The following SUPT3H variants were observed in gnomAD, a reference collection of about 807,000 sequenced individuals.
SUPT3H encodes the protein transcription initiation protein SPT3 homolog.
Under a neutral mutation model 44.3 loss-of-function variants are expected in SUPT3H, and 44 were observed. That is an observed-to-expected ratio of 0.99 (90% confidence interval 0.78 to 1.28). SUPT3H has a LOEUF of 1.28. Ranked by LOEUF, SUPT3H falls within the 50% of genes most tolerant of loss-of-function variation. The pLI, the probability that SUPT3H is intolerant of heterozygous loss-of-function variation, is 0.00. For missense variants in SUPT3H, 380 were observed against 387.1 expected (o/e 0.98, Z 0.15); for synonymous variants, 124 against 125.6 (o/e 0.99, Z 0.09).
At chr6:45,048,854 G>C (rs1023354232) in intron 3 of SUPT3H, among the ~76,000 whole-genome samples, 10 of 152,050 alleles carry the variant, frequency 6.6e-5, no homozygotes, top group Admixed American at 3.9e-4. Flanking sequence ...CGGAAGTAGA[G>C]AGTAGAATGA....
chr6:45,159,598 AAC>A (rs1808605650), intron 2 of SUPT3H: 1 of 152,176 alleles, frequency 6.6e-6, no homozygotes, highest in South Asian at 2.1e-4. Flanking sequence ...ATAGTTTCTG[AAC>A]AGTCAGAGAT....
intron 3 of SUPT3H, among the ~76,000 whole-genome samples, chr6:45,031,889 A>G (rs980060047): frequency 1.3e-5 from 2 of 152,164 alleles, no homozygotes; most frequent in Non-Finnish European, 2.9e-5. Context: ...TTGGGTTCTT[A>G]TTTAGCAGTA....
chr6:44,878,550 T>C (rs2153433597), intron 10 of SUPT3H, among the ~76,000 whole-genome samples: 1 of 152,232 alleles, frequency 6.6e-6, no homozygotes, highest in African/African-American at 2.4e-5. Context: ...TTTCATCCAT[T>C]GGTTAGGTTG....
intron 10 of SUPT3H, among the ~76,000 whole-genome samples, chr6:44,923,173 A>G (rs1768998429): frequency 6.6e-6 from 1 of 152,118 alleles, no homozygotes; most frequent in African/African-American, 2.4e-5. Context: ...ACAAAAATAG[A>G]TTTCTTGAAG....
chr6:45,280,102 T>C (rs1181983138), intron 2 of SUPT3H, among the ~76,000 whole-genome samples: 1 of 152,176 alleles, frequency 6.6e-6, no homozygotes, highest in Non-Finnish European at 1.5e-5. Context: ...TCACCATCTC[T>C]TCTACTGCAA....
At chr6:45,044,085 A>G (rs1269185399) in intron 3 of SUPT3H, among the ~76,000 whole-genome samples, 5 of 152,174 alleles carry the variant, frequency 3.3e-5, no homozygotes, top group Non-Finnish European at 5.9e-5. Context: ...CCATTTACCT[A>G]AACATCTAAA....
Position 45,039,044 on chromosome 6 carries a change from A to G in SUPT3H, c.187-18412T>C, listed in dbSNP as rs1255279775. The stretch of plus-strand genomic sequence containing the variant: ...TTCATTTCTCAAGGACATTGATTTG[A>G]AAGAGCTATTTCACTTCCCGTTAGT... On this transcript the variant is annotated intron_variant, in intron 3 of 10. Coordinates refer to ENST00000371459, the MANE Select transcript of SUPT3H (RefSeq NM_003599.4). Among the ~76,000 whole-genome samples the G allele has an allele frequency of 2.0e-5, 3 of 152,190 alleles. No individual in the cohort carries two copies. The East Asian group carries it at 5.8e-4, about 29-fold the overall frequency.
intron 2 of SUPT3H, among the ~76,000 whole-genome samples, chr6:45,317,829 A>C (rs562372055): frequency 6.7e-4 from 102 of 152,350 alleles, no homozygotes; most frequent in Admixed American, 1.3e-3. Context: ...AAAAGCAAAA[A>C]TAGGCAAATG....
intron 2 of SUPT3H, among the ~76,000 whole-genome samples, chr6:45,180,639 C>T (rs1335155956): frequency 0.018 from 2,693 of 151,776 alleles, 35 homozygotes; most frequent in African/African-American, 0.03. Flanking sequence ...ATTTAATAAA[C>T]GGTGCTGGGA....
At chr6:45,119,704 G>A (rs1258137743) in intron 2 of SUPT3H, among the ~76,000 whole-genome samples, 3 of 152,064 alleles carry the variant, frequency 2.0e-5, no homozygotes, top group African/African-American at 7.2e-5. Flanking sequence ...AAGATGCCAG[G>A]GCAGAGAATC....
In SUPT3H at chr6:45,178,983, C is replaced by A. The variant is rs1426826990; in HGVS notation, c.102-72977G>T. Among the ~76,000 whole-genome samples, 8 of 152,050 alleles carry A rather than the reference C, an allele frequency of 5.3e-5. No individual in the cohort carries two copies. In the East Asian group the frequency reaches 7.7e-4, roughly 15 times the overall value. On this transcript the variant is annotated intron_variant, in intron 2 of 10. Transcript: ENST00000371459. ...AAGCAGGAAAGATCCAAAATTGACA[C>A]CCTAACATCACAATTAAAAGAGAGA...
Position 44,856,558 on chromosome 6 carries a change from GT to G in SUPT3H, c.913-26702del, listed in dbSNP as rs760513567. Among the ~76,000 whole-genome samples the G allele has an allele frequency of 5.0e-4, 76 of 152,106 alleles. 1 individual carries two copies. The highest frequency in any genetic ancestry group is 1.5e-5 in the Non-Finnish European group (1 of 68,028). ...TGGTTTGACATTTCATGCTGCACTG[GT>G]TTTTTCTATTTTTCCAATTCTCTAA... On this transcript the variant is annotated intron_variant, in intron 10 of 10. Coordinates refer to ENST00000371459, the MANE Select transcript of SUPT3H (RefSeq NM_003599.4).
chr6:44,909,700 C>A (rs976977350), intron 10 of SUPT3H, among the ~76,000 whole-genome samples: 1 of 152,258 alleles, frequency 6.6e-6, no homozygotes, highest in Non-Finnish European at 1.5e-5. Context: ...TGGAGAGAGG[C>A]GCATGGACTT....
intron 2 of SUPT3H, among the ~76,000 whole-genome samples, chr6:45,273,836 G>C (rs1453963187): frequency 6.6e-6 from 1 of 152,142 alleles, no homozygotes; most frequent in African/African-American, 2.4e-5. Flanking sequence ...CACTAGGAGT[G>C]AATCTGCTCG....
intron 2 of SUPT3H, among the ~76,000 whole-genome samples, chr6:45,279,491 A>G (rs1584652711): frequency 1.3e-5 from 2 of 152,200 alleles, no homozygotes; most frequent in East Asian, 3.9e-4. Flanking sequence ...TCCTGAGAGT[A>G]AGTTCTGCCA....
At chr6:45,284,647 C>G (rs147660817) in intron 2 of SUPT3H, among the ~76,000 whole-genome samples, 1 of 152,238 alleles carries the variant, frequency 6.6e-6, no homozygotes, top group South Asian at 2.1e-4. Context: ...GGATTCACAG[C>G]CAAATTCTAC....
At chr6:44,878,860 G>A (rs758467329) in intron 10 of SUPT3H, among the ~76,000 whole-genome samples, 20 of 152,090 alleles carry the variant, frequency 1.3e-4, no homozygotes, top group Non-Finnish European at 2.2e-4. Flanking sequence ...AAGCCGTGAG[G>A]GACCATGCTG....
chr6:44,995,095 C>T (rs2153501112), intron 6 of SUPT3H, among the ~76,000 whole-genome samples: 1 of 151,920 alleles, frequency 6.6e-6, no homozygotes, highest in East Asian at 1.9e-4. Context: ...TATACATCTT[C>T]AAATTGGAAC....
chr6:44,880,417 A>G (rs182110396), intron 10 of SUPT3H, among the ~76,000 whole-genome samples: 2 of 152,270 alleles, frequency 1.3e-5, no homozygotes, highest in African/African-American at 4.8e-5. Flanking sequence ...TCCAAGAAAT[A>G]TGGGACTATG....
Sources: gnomAD v4.1 joint callset for allele counts (sites outside exome capture counted in the v4.1 genomes callset) on GRCh38, gnomAD v4.1.1 for gene constraint, MANE v1.5 for transcripts, NCBI Gene and HGNC (gene_info 2026-07-23, HGNC 2026-07-21) for gene names.